The following SLC2A9 variants were observed in gnomAD, a reference collection of about 807,000 sequenced individuals.
SLC2A9 encodes solute carrier family 2 member 9, also known as solute carrier family 2, facilitated glucose transporter member 9.
SLC2A9 carries 39 observed loss-of-function variants against 50.6 expected under a neutral mutation model. The ratio of observed to expected loss-of-function variants is 0.77; its 90% CI spans 0.60 to 1.01. The LOEUF (loss-of-function observed/expected upper bound fraction) is 1.01, where lower values mean the gene tolerates loss of function less well. Ranked by LOEUF, SLC2A9 falls within the 50% of genes least tolerant of loss-of-function variation. The pLI is 0.00. For missense variants in SLC2A9, 686 were observed against 677.6 expected (o/e 1.01, Z -0.14); for synonymous variants, 324 against 276.9 (o/e 1.17, Z -1.69).
At chr4:9,959,395 CAAA>C (rs397973896) in intron 5 of SLC2A9, among the ~76,000 whole-genome samples, 3 of 124,870 alleles carry the variant, frequency 2.4e-5, no homozygotes, top group Admixed American at 8.1e-5. Flanking sequence ...AACTCTGTCT[CAAA>C]AAAAAAAAAA....
chr4:9,848,969 TG>T (rs1729444936), intron 10 of SLC2A9, among the ~76,000 whole-genome samples: 1 of 152,228 alleles, frequency 6.6e-6, no homozygotes, highest in African/African-American at 2.4e-5. Flanking sequence ...CCCGAAGTGC[TG>T]GGATTACAGG....
In SLC2A9 at chr4:9,920,494, C is replaced by T. The variant is rs775590963; in HGVS notation, c.893G>A (p.Ser298Asn). ...CTCCAGCACGGACACCAGGCGGATG[C>T]TCCTCTGCACGCGGCTCTCAGCCAG... ...EVLAESRVQR[S>N]IRLVSVLELL... Residue 298 changes from serine (S) to asparagine (N), a missense_variant, in exon 7 of 12, where the codon AGC (serine) becomes AAC (asparagine). Physicochemically the swap from Ser to Asn is conservative, Grantham distance 46. Coordinates refer to ENST00000264784, the MANE Select transcript of SLC2A9 (RefSeq NM_020041.3). 1 of 1,614,188 alleles carries T rather than the reference C, an allele frequency of 6.2e-7. No homozygotes were observed. Among genetic ancestry groups the T allele is most frequent in the Non-Finnish European group, 8.5e-7 (1 of 1,180,038 alleles).
chr4:9,901,458 C>T (rs980680016), intron 8 of SLC2A9, among the ~76,000 whole-genome samples: 2 of 152,158 alleles, frequency 1.3e-5, no homozygotes, highest in South Asian at 2.1e-4. Context: ...AGCCTTGTGA[C>T]AACGCTGTTT....
intron 6 of SLC2A9, among the ~76,000 whole-genome samples, chr4:9,938,301 T>G (rs1385489305): frequency 6.9e-6 from 1 of 144,296 alleles, no homozygotes; most frequent in Non-Finnish European, 1.5e-5. Flanking sequence ...AGATGGAGTC[T>G]CACTCTGTTG....
chr4:9,853,063 C>A (rs1033671059), intron 10 of SLC2A9, among the ~76,000 whole-genome samples: 4 of 151,824 alleles, frequency 2.6e-5, no homozygotes, highest in South Asian at 2.1e-4. Context: ...GTAATCCCAG[C>A]TACTCAGGAG....
intron 7 of SLC2A9, among the ~76,000 whole-genome samples, chr4:9,908,674 G>T (rs969711188): frequency 6.6e-6 from 1 of 151,812 alleles, no homozygotes; most frequent in Non-Finnish European, 1.5e-5. Context: ...TTTACATTAG[G>T]TATATCTCCT....
intron 10 of SLC2A9, among the ~76,000 whole-genome samples, chr4:9,874,248 T>TA (rs56157379): frequency 0.25 from 38,051 of 151,558 alleles, 5,300 homozygotes; most frequent in Admixed American, 0.36. Flanking sequence ...CTTTTGCTAT[T>TA]AAAAAAAAAT....
At chr4:9,837,718 T>A (rs1727323277) in intron 10 of SLC2A9, among the ~76,000 whole-genome samples, 1 of 152,182 alleles carries the variant, frequency 6.6e-6, no homozygotes, top group South Asian at 2.1e-4. Context: ...AAAGAACAAA[T>A]AATTAGGATG....
chr4:10,020,001 G>A (rs1472112484), intron 1 of SLC2A9, among the ~76,000 whole-genome samples: 2 of 152,036 alleles, frequency 1.3e-5, no homozygotes, highest in Non-Finnish European at 2.9e-5. Flanking sequence ...CAGGTGCTCC[G>A]GAAGGCACCT....
At chr4:9,951,624 ATT>A (rs748316989) in intron 5 of SLC2A9, among the ~76,000 whole-genome samples, 72,175 of 151,516 alleles carry the variant, frequency 0.48, 18,441 homozygotes, top group African/African-American at 0.65. Flanking sequence ...AGAAAAGTTT[ATT>A]TTTAAAAAAA....
chr4:9,879,375 T>C, intron 10 of SLC2A9: 3 of 977,008 alleles, frequency 3.1e-6, no homozygotes, highest in Non-Finnish European at 3.6e-6. Context: ...TGTGTATTTA[T>C]GTGTGTATGT....
In SLC2A9 at chr4:9,952,651, G is replaced by T. The variant is rs572480463; in HGVS notation, c.682-10606C>A. Among the ~76,000 whole-genome samples, 6 of 151,618 alleles carry T rather than the reference G, an allele frequency of 4.0e-5. No individual in the cohort carries two copies. The South Asian group carries it at 1.0e-3, about 26-fold the overall frequency. ...TAGGCTCCTCCCACCTTAGCCTCCC[G>T]GTAGCTAGGACTACAGGCATGCACC... is the stretch of plus-strand genomic sequence containing the variant. On this transcript the variant is annotated intron_variant, in intron 5 of 11. Transcript: ENST00000264784.
At chr4:9,835,484 A>G in intron 10 of SLC2A9, among the ~76,000 whole-genome samples, 1 of 152,192 alleles carries the variant, frequency 6.6e-6, no homozygotes, top group African/African-American at 2.4e-5. Context: ...TTTCTCAGAC[A>G]AGACAGAGTG....
chr4:9,787,332 A>T (rs2108871196), intron 3 of SLC2A9, among the ~76,000 whole-genome samples: 1 of 152,314 alleles, frequency 6.6e-6, no homozygotes, highest in South Asian at 2.1e-4. Context: ...TGCAGAAGAG[A>T]TGTTTTACAT....
intron 10 of SLC2A9, among the ~76,000 whole-genome samples, chr4:9,860,934 T>G (rs1328653674): frequency 1.3e-5 from 2 of 152,198 alleles, no homozygotes; most frequent in Admixed American, 1.3e-4. Flanking sequence ...TGCCTCCTTC[T>G]TGTCTCCTGA....
intron 10 of SLC2A9, among the ~76,000 whole-genome samples, chr4:9,883,158 T>C (rs73225827): frequency 0.034 from 4,382 of 127,956 alleles, 103 homozygotes; most frequent in Non-Finnish European, 0.058. Flanking sequence ...CACACACACA[T>C]ACACAGATTT....
intron 10 of SLC2A9, among the ~76,000 whole-genome samples, chr4:9,860,902 C>T (rs1189187022): frequency 6.6e-6 from 1 of 152,220 alleles, no homozygotes; most frequent in African/African-American, 2.4e-5. Flanking sequence ...CTGGATTGCT[C>T]ATGCGCAGAT....
chr4:10,008,577 A>C (rs1761197210), intron 2 of SLC2A9, among the ~76,000 whole-genome samples: 1 of 152,244 alleles, frequency 6.6e-6, no homozygotes, highest in African/African-American at 2.4e-5. Flanking sequence ...ATAGCATAGA[A>C]AGGTGCTTAC....
At chr4:10,017,963 C>G (rs1320393374) in intron 2 of SLC2A9, among the ~76,000 whole-genome samples, 1 of 152,238 alleles carries the variant, frequency 6.6e-6, no homozygotes, top group African/African-American at 2.4e-5. Flanking sequence ...ATCACTCCAC[C>G]TTCCAAACTT....
Sources: allele counts gnomAD v4.1 joint callset (sites outside exome capture counted in the v4.1 genomes callset), GRCh38; gene constraint gnomAD v4.1.1; transcripts MANE v1.5; gene names NCBI Gene and HGNC (gene_info 2026-07-23, HGNC 2026-07-21).